The following PCDH7 variants were observed in gnomAD, a reference collection of about 807,000 sequenced individuals.
PCDH7 encodes the protein protocadherin 7.
A neutral mutation model predicts 58.9 loss-of-function variants in PCDH7; 17 were observed. The observed-to-expected ratio is 0.29, with a 90% CI of 0.20 to 0.43. PCDH7 has a LOEUF of 0.43. Ranked by LOEUF, PCDH7 falls within the 20% of genes least tolerant of loss-of-function variation. PCDH7 has a pLI of 1.00. For synonymous variants in PCDH7, 664 were observed against 616.4 expected (o/e 1.08, Z -1.14); for missense variants, 1,274 against 1,441.0 (o/e 0.88, Z 1.88).
chr4:30,842,810 A>G (rs1731386408), intron 1 of PCDH7, among the ~76,000 whole-genome samples: 1 of 152,128 alleles, frequency 6.6e-6, no homozygotes, highest in Admixed American at 6.5e-5. Flanking sequence ...TGGAGGAGGA[A>G]CCACGAGAGG....
chr4:30,896,115 A>G (rs1295468328), intron 1 of PCDH7, among the ~76,000 whole-genome samples: 4 of 152,082 alleles, frequency 2.6e-5, no homozygotes, highest in Admixed American at 2.6e-4. Flanking sequence ...TTCTAATGGC[A>G]TTTTTTATTT....
intron 3 of PCDH7, among the ~76,000 whole-genome samples, chr4:31,018,188 T>C (rs1401411713): frequency 6.6e-6 from 1 of 152,162 alleles, no homozygotes; most frequent in Non-Finnish European, 1.5e-5. Flanking sequence ...TGCAAAATTC[T>C]GATATGTTTA....
chr4:31,097,587 CATATATATATATAT>C lies in PCDH7; in HGVS notation c.*8-44848_*8-44835del, dbSNP rs1190443409. On this transcript the variant is annotated intron_variant, in intron 3 of 3. Transcript: ENST00000509759. ...TGTGGCTGTTTTTCCTCCAAATATA[CATATATATATATAT>C]ATATATATATATATATATATATATA... 8.0e-4 allele frequency among the ~76,000 whole-genome samples: 32 copies of C among 40,094 alleles called. 1 individual carries two copies. The highest frequency in any genetic ancestry group is 3.5e-3 in the South Asian group (4 of 1,142). The allele number at this position is 40,094 out of a possible 152,430, so 26.3% of individuals were successfully genotyped here. A position where few individuals can be genotyped will look rare whatever the true frequency, so the allele number is the denominator to read the frequency against.
chr4:30,847,898 C>T (rs1015835227), intron 1 of PCDH7, among the ~76,000 whole-genome samples: 1 of 152,068 alleles, frequency 6.6e-6, no homozygotes, highest in East Asian at 1.9e-4. Context: ...TCAGTGTGAA[C>T]CTAGGGTTTA....
chr4:30,897,151 G>A (rs987439284), intron 1 of PCDH7, among the ~76,000 whole-genome samples: 1 of 151,776 alleles, frequency 6.6e-6, no homozygotes, highest in Admixed American at 6.6e-5. Context: ...TCATCCTCCC[G>A]CCTCGGCCTC....
intron 1 of PCDH7, among the ~76,000 whole-genome samples, chr4:30,823,259 C>T (rs1197466236): frequency 2.0e-5 from 3 of 152,072 alleles, no homozygotes; most frequent in Admixed American, 2.0e-4. Context: ...TTGCTTTCTT[C>T]TTATCTCTTT....
At chr4:31,007,248 A>G (rs1490899077) in intron 3 of PCDH7, among the ~76,000 whole-genome samples, 2 of 151,680 alleles carry the variant, frequency 1.3e-5, no homozygotes, top group African/African-American at 4.9e-5. Context: ...ACTCACTTGC[A>G]TTTGTTGAGA....
intron 3 of PCDH7, among the ~76,000 whole-genome samples, chr4:31,026,039 C>T (rs1024996585): frequency 2.6e-5 from 4 of 152,162 alleles, no homozygotes; most frequent in African/African-American, 9.7e-5. Context: ...CAATTTACCA[C>T]GCACTGTTAT....
chr4:31,127,300 A>T (rs1369877611), intron 3 of PCDH7, among the ~76,000 whole-genome samples: 1 of 151,910 alleles, frequency 6.6e-6, no homozygotes, highest in Non-Finnish European at 1.5e-5. Flanking sequence ...TTCTAATTAC[A>T]CTCCTGATTT....
At chr4:30,847,524 G>A (rs761081434) in intron 1 of PCDH7, among the ~76,000 whole-genome samples, 6 of 152,238 alleles carry the variant, frequency 3.9e-5, no homozygotes, top group Non-Finnish European at 7.4e-5. Context: ...ATAGACAAAG[G>A]CACAATGCAA....
intron 1 of PCDH7, among the ~76,000 whole-genome samples, chr4:30,749,039 G>T (rs1383108216): frequency 6.6e-6 from 1 of 152,174 alleles, no homozygotes. Context: ...ATCAACAGGG[G>T]AAGGGATATG....
At chr4:31,027,868 C>A (rs1374636344) in intron 3 of PCDH7, among the ~76,000 whole-genome samples, 1 of 152,104 alleles carries the variant, frequency 6.6e-6, no homozygotes. Context: ...TGTGAACTAA[C>A]CTGCTTTGTA....
chr4:31,002,156 A>C (rs1752408172), intron 3 of PCDH7, among the ~76,000 whole-genome samples: 1 of 152,184 alleles, frequency 6.6e-6, no homozygotes, highest in South Asian at 2.1e-4. Flanking sequence ...CATGCTTATA[A>C]ATGCACACAC....
At chr4:31,063,070 G>T (rs139405643) in intron 3 of PCDH7, among the ~76,000 whole-genome samples, 21 of 151,784 alleles carry the variant, frequency 1.4e-4, no homozygotes, top group African/African-American at 4.6e-4. Flanking sequence ...AGAGAATGAA[G>T]TGTAAAATGA....
intron 3 of PCDH7, among the ~76,000 whole-genome samples, chr4:31,128,860 T>C (rs1250633349): frequency 3.3e-5 from 5 of 152,188 alleles, no homozygotes; most frequent in African/African-American, 1.2e-4. Context: ...AAAAAGGTTA[T>C]AGGACAGGTC....
chr4:31,005,739 A>C (rs894096508), intron 3 of PCDH7, among the ~76,000 whole-genome samples: 1 of 152,194 alleles, frequency 6.6e-6, no homozygotes, highest in African/African-American at 2.4e-5. Context: ...ATGAGGCAGT[A>C]TAGGTCCAGT....
chr4:30,834,313 C>T (rs1219852751), intron 1 of PCDH7, among the ~76,000 whole-genome samples: 1 of 152,078 alleles, frequency 6.6e-6, no homozygotes, highest in Non-Finnish European at 1.5e-5. Flanking sequence ...TTTCCTTTTG[C>T]ACGAGGCCTC....
chr4:31,122,456 A>G (rs1376099559), intron 3 of PCDH7, among the ~76,000 whole-genome samples: 1 of 152,114 alleles, frequency 6.6e-6, no homozygotes, highest in African/African-American at 2.4e-5. Context: ...TTGCTTTTGC[A>G]CTTAAGCTGT....
intron 3 of PCDH7, among the ~76,000 whole-genome samples, chr4:31,062,794 T>C (rs899125453): frequency 1.3e-5 from 2 of 151,810 alleles, no homozygotes; most frequent in Non-Finnish European, 2.9e-5. Context: ...ACACTTTTGA[T>C]TGATATAAAG....
Sources: allele counts gnomAD v4.1 joint callset (sites outside exome capture counted in the v4.1 genomes callset), GRCh38; gene constraint gnomAD v4.1.1; transcripts MANE v1.5; gene names NCBI Gene and HGNC (gene_info 2026-07-23, HGNC 2026-07-21).